ADAM2: variants seen among roughly 807,000 people sequenced by gnomAD.
ADAM2 encodes disintegrin and metalloproteinase domain-containing protein 2.
A neutral mutation model predicts 99.3 loss-of-function variants in ADAM2; 101 were observed. The ratio of observed to expected loss-of-function variants is 1.02; its 90% confidence interval spans 0.87 to 1.20. The LOEUF is 1.20. ADAM2 is among the 50% of genes most tolerant of loss of function. The pLI is 0.00. For missense variants in ADAM2, 948 were observed against 878.7 expected (o/e 1.08, Z -1.00); for synonymous variants, 323 against 287.6 (o/e 1.12, Z -1.25).
chr8:39,790,133 C>T (rs2100309), intron 7 of ADAM2, among the ~76,000 whole-genome samples: 71,326 of 151,636 alleles, frequency 0.47, 17,108 homozygotes, highest in South Asian at 0.67. Flanking sequence ...GTTTGTCAAA[C>T]GTGAAAAGGA....
intron 19 of ADAM2, among the ~76,000 whole-genome samples, chr8:39,746,019 A>C (rs1469113510): frequency 6.6e-6 from 1 of 150,630 alleles, no homozygotes; most frequent in Admixed American, 6.6e-5. Context: ...GTGTGTGTGT[A>C]TATATATATA....
At chr8:39,763,668 C>T (rs1483325289) in intron 14 of ADAM2, among the ~76,000 whole-genome samples, 2 of 152,192 alleles carry the variant, frequency 1.3e-5, no homozygotes, top group African/African-American at 2.4e-5. Flanking sequence ...TGCCAACCGA[C>T]GCTCTTATTC....
chr8:39,769,905 C>T (rs1170473970), intron 11 of ADAM2, among the ~76,000 whole-genome samples: 3 of 151,722 alleles, frequency 2.0e-5, no homozygotes, highest in African/African-American at 7.3e-5. Context: ...GCTGGGACAC[C>T]CCTGTATTAA....
chr8:39,821,981 A>C (rs1805207895), intron 4 of ADAM2, among the ~76,000 whole-genome samples: 1 of 152,146 alleles, frequency 6.6e-6, no homozygotes, highest in Admixed American at 6.5e-5. Flanking sequence ...TAGATAAGCA[A>C]AGTTAATTTT....
rs1366085752 is a variant in ADAM2, at chr8:39,762,535, A to G, written c.1508-1254T>C. On this transcript the variant is annotated intron_variant, in intron 14 of 20. Transcript: ENST00000265708. ...GCTATAGTCTCAAGTTATTCAATTAAACACTAATCTAGGCATTGCTCTGTA... is the reference window on the plus strand; with the variant it reads ...GCTATAGTCTCAAGTTATTCAATTAGACACTAATCTAGGCATTGCTCTGTA... Among the ~76,000 whole-genome samples, 3 of 152,210 alleles carry G rather than the reference A, an allele frequency of 2.0e-5. No individual in the cohort carries two copies. In the East Asian group the frequency reaches 5.8e-4, roughly 29 times the overall value.
intron 11 of ADAM2, among the ~76,000 whole-genome samples, chr8:39,772,324 CAT>C (rs1164135410): frequency 6.6e-6 from 1 of 151,724 alleles, no homozygotes; most frequent in Non-Finnish European, 1.5e-5. Context: ...AATGAGTGAA[CAT>C]ATATAGAAGT....
rs137866590 is a variant in ADAM2, at chr8:39,772,980, G to A, written c.1029-3405C>T. On this transcript the variant is annotated intron_variant, in intron 11 of 20. Transcript: ENST00000265708. Reference sequence around the variant, plus strand: ...ACCTCAACACATTCTCTCACTTTCTGTTGTACATGATGGAAGGAATCAATT... The same window carrying A: ...ACCTCAACACATTCTCTCACTTTCTATTGTACATGATGGAAGGAATCAATT... Among the ~76,000 whole-genome samples, 6 of 151,840 alleles carry A rather than the reference G, an allele frequency of 4.0e-5. No individual in the cohort carries two copies. In the East Asian group the frequency reaches 9.6e-4, roughly 24 times the overall value.
chr8:39,803,481 C>T (rs1312661941), intron 7 of ADAM2, among the ~76,000 whole-genome samples: 2 of 152,178 alleles, frequency 1.3e-5, no homozygotes, highest in Non-Finnish European at 2.9e-5. Context: ...CCCGTACAAG[C>T]AGAGTGATCT....
chr8:39,764,537 C>T (rs192184048), intron 14 of ADAM2, among the ~76,000 whole-genome samples: 2 of 152,206 alleles, frequency 1.3e-5, no homozygotes, highest in African/African-American at 2.4e-5. Context: ...TACCATCTGC[C>T]TATATAACCT....
intron 6 of ADAM2, among the ~76,000 whole-genome samples, chr8:39,820,023 A>C (rs774008850): frequency 3.9e-5 from 6 of 152,160 alleles, no homozygotes; most frequent in Non-Finnish European, 5.9e-5. Flanking sequence ...TAGAGAGAAG[A>C]TAGTTCATGG....
intron 15 of ADAM2, among the ~76,000 whole-genome samples, chr8:39,760,642 AC>A (rs1459661001): frequency 6.6e-6 from 1 of 151,918 alleles, no homozygotes; most frequent in Non-Finnish European, 1.5e-5. Flanking sequence ...AATGGCGTGA[AC>A]CCGGGAGGCG....
At chr8:39,763,917 G>A (rs1037774603) in intron 14 of ADAM2, among the ~76,000 whole-genome samples, 2 of 152,222 alleles carry the variant, frequency 1.3e-5, no homozygotes, top group Non-Finnish European at 2.9e-5. Flanking sequence ...AATTCCTGGA[G>A]AGTTAGATGA....
intron 3 of ADAM2, among the ~76,000 whole-genome samples, chr8:39,826,045 G>A (rs902118340): frequency 6.6e-6 from 1 of 152,006 alleles, no homozygotes; most frequent in Admixed American, 6.6e-5. Flanking sequence ...TTTATTTGCT[G>A]TTTTCCTTCA....
chr8:39,761,641 T>G (rs10087294), intron 14 of ADAM2, among the ~76,000 whole-genome samples: 1 of 151,926 alleles, frequency 6.6e-6, no homozygotes. Context: ...AGCATGAATG[T>G]CTTTTCAAGT....
intron 10 of ADAM2, among the ~76,000 whole-genome samples, chr8:39,784,275 A>G (rs1402115698): frequency 6.6e-6 from 1 of 152,308 alleles, no homozygotes; most frequent in Non-Finnish European, 1.5e-5. Context: ...CTTTCTTCCA[A>G]TTGTCGTTAC....
At chr8:39,751,248 T>C (rs1801931975) in intron 16 of ADAM2, among the ~76,000 whole-genome samples, 1 of 152,222 alleles carries the variant, frequency 6.6e-6, no homozygotes, top group South Asian at 2.1e-4. Flanking sequence ...AGTGCTGCTG[T>C]AGTTATAAAT....
intron 10 of ADAM2, 63 bp from the exon 11 acceptor site, chr8:39,777,224 C>A: frequency 7.5e-7 from 1 of 1,333,970 alleles, no homozygotes; most frequent in Non-Finnish European, 1.0e-6. Flanking sequence ...GAGAACAATG[C>A]AATTATTAAA....
chr8:39,758,680 G>A (rs1181925549), intron 15 of ADAM2, among the ~76,000 whole-genome samples: 1 of 151,960 alleles, frequency 6.6e-6, no homozygotes, highest in Non-Finnish European at 1.5e-5. Context: ...ATGAATAGCT[G>A]AATCCAGAGC....
chr8:39,799,150 T>G (rs554672234), intron 7 of ADAM2, among the ~76,000 whole-genome samples: 2 of 152,320 alleles, frequency 1.3e-5, no homozygotes, highest in Admixed American at 6.5e-5. Flanking sequence ...TTTGAGATCT[T>G]TCTAGCTTTC....
Sources: allele counts gnomAD v4.1 joint callset (sites outside exome capture counted in the v4.1 genomes callset), GRCh38; gene constraint gnomAD v4.1.1; transcripts MANE v1.5; gene names NCBI Gene and HGNC (gene_info 2026-07-23, HGNC 2026-07-21).